The following CSMD1 variants were observed in gnomAD, a reference collection of about 807,000 sequenced individuals.
CSMD1 encodes the protein CUB and Sushi multiple domains 1.
In CSMD1, 213 loss-of-function variants were observed where a neutral mutation model predicts 417.5. The observed-to-expected ratio is 0.51, with a 90% CI of 0.46 to 0.57. The LOEUF (loss-of-function observed/expected upper bound fraction) is 0.57. Among genes scored for constraint, CSMD1 ranks in the 20% least tolerant of loss-of-function variants. The pLI is 0.00. For synonymous variants in CSMD1, 2,862 were observed against 1,736.8 expected (o/e 1.65, Z -16.11); for missense variants, 6,923 against 4,529.7 (o/e 1.53, Z -15.17).
chr8:3,731,801 A>G (rs1447335086), intron 6 of CSMD1, among the ~76,000 whole-genome samples: 3 of 152,146 alleles, frequency 2.0e-5, no homozygotes, highest in Admixed American at 1.3e-4. Context: ...TGTTTTGGAC[A>G]TGTGATGTTT....
intron 2 of CSMD1, among the ~76,000 whole-genome samples, chr8:4,486,386 A>G (rs1049504001): frequency 6.7e-6 from 1 of 150,244 alleles, no homozygotes; most frequent in African/African-American, 2.4e-5. Flanking sequence ...TCTCCTTCTC[A>G]TTTTTACTTC....
intron 25 of CSMD1, among the ~76,000 whole-genome samples, chr8:3,296,360 G>A (rs1201053553): frequency 6.6e-6 from 1 of 152,014 alleles, no homozygotes; most frequent in African/African-American, 2.4e-5. Context: ...AACAGAGGAA[G>A]GGGGACTGGG....
chr8:4,583,794 T>C (rs970184307), intron 2 of CSMD1, among the ~76,000 whole-genome samples: 5 of 152,104 alleles, frequency 3.3e-5, no homozygotes, highest in Non-Finnish European at 7.4e-5. Flanking sequence ...GATAAGAGAA[T>C]AAAAGCAGGC....
intron 48 of CSMD1, 125 bp from the exon 49 acceptor site, chr8:3,087,410 T>C: frequency 3.1e-6 from 3 of 974,152 alleles, no homozygotes; most frequent in South Asian, 1.6e-5. Context: ...TGAGCACCAG[T>C]ATGTAAGTTT....
In CSMD1 at chr8:4,135,397, G is replaced by T. The variant is rs1263754322; in HGVS notation, c.416-103298C>A. On this transcript the variant is annotated intron_variant, in intron 3 of 69. Transcript: ENST00000635120. ...AAGTGGGAAAGAGGGGGAAGGAAGGGGAAAGAGGGAAAGAGGGGGAAGGAA... is the reference window on the plus strand; with the variant it reads ...AAGTGGGAAAGAGGGGGAAGGAAGGTGAAAGAGGGAAAGAGGGGGAAGGAA... Among the ~76,000 whole-genome samples the T allele has an allele frequency of 5.0e-5, 6 of 120,780 alleles. No individual in the cohort carries two copies. In the East Asian group the frequency reaches 1.6e-3, roughly 32 times the overall value. The allele number at this position is 120,780 out of a possible 152,430, so 79.2% of individuals were successfully genotyped here.
At chr8:3,196,060 A>G (rs1796686385) in intron 33 of CSMD1, among the ~76,000 whole-genome samples, 1 of 152,154 alleles carries the variant, frequency 6.6e-6, no homozygotes, top group Non-Finnish European at 1.5e-5. Flanking sequence ...CTTCCTGACA[A>G]AAAGACGCCG....
At chr8:4,959,016 AACTGAGATT>A (rs1809303091) in intron 1 of CSMD1, among the ~76,000 whole-genome samples, 1 of 152,206 alleles carries the variant, frequency 6.6e-6, no homozygotes, top group Non-Finnish European at 1.5e-5. Context: ...TGTATGCTTT[AACTGAGATT>A]ATCAAGCCAT....
intron 10 of CSMD1, among the ~76,000 whole-genome samples, chr8:3,571,059 C>G (rs962665891): frequency 1.3e-5 from 2 of 152,122 alleles, no homozygotes; most frequent in African/African-American, 4.8e-5. Flanking sequence ...TATTCCACTC[C>G]AGGGCAAAAC....
chr8:4,363,718 G>T (rs1801908792), intron 3 of CSMD1, among the ~76,000 whole-genome samples: 1 of 152,154 alleles, frequency 6.6e-6, no homozygotes, highest in African/African-American at 2.4e-5. Flanking sequence ...GTGACTTCTA[G>T]TTCCACCCAT....
intron 3 of CSMD1, among the ~76,000 whole-genome samples, chr8:4,129,595 AT>A (rs1302096503): frequency 6.6e-6 from 1 of 152,022 alleles, no homozygotes; most frequent in East Asian, 1.9e-4. Flanking sequence ...TATTATTATT[AT>A]TATTACTGAC....
At chr8:3,564,149 G>A (rs545408342) in intron 10 of CSMD1, among the ~76,000 whole-genome samples, 3 of 152,110 alleles carry the variant, frequency 2.0e-5, no homozygotes, top group Non-Finnish European at 4.4e-5. Context: ...GTGTTTGGAA[G>A]ATTGAAATTA....
chr8:4,457,388 A>T (rs1014618954), intron 2 of CSMD1, among the ~76,000 whole-genome samples: 1 of 152,084 alleles, frequency 6.6e-6, no homozygotes, highest in African/African-American at 2.4e-5. Flanking sequence ...CGAGGTCTGG[A>T]ACAGGAAGGG....
At chr8:3,097,913 G>T (rs560953663) in intron 46 of CSMD1, among the ~76,000 whole-genome samples, 1 of 152,316 alleles carries the variant, frequency 6.6e-6, no homozygotes, top group East Asian at 1.9e-4. Flanking sequence ...TGAATTAATT[G>T]TAAATGTATC....
At chr8:4,008,078 T>G (rs981384598) in intron 4 of CSMD1, among the ~76,000 whole-genome samples, 7 of 152,318 alleles carry the variant, frequency 4.6e-5, no homozygotes, top group Middle Eastern at 3.4e-3. Context: ...CCAGGAGGTT[T>G]TTTCTTTGTT....
chr8:4,565,689 T>G (rs1270119359), intron 2 of CSMD1, among the ~76,000 whole-genome samples: 1 of 149,492 alleles, frequency 6.7e-6, no homozygotes, highest in Non-Finnish European at 1.5e-5. Flanking sequence ...GAGCTGGGAT[T>G]GTGCCATTGC....
Position 4,219,359 on chromosome 8 carries a change from C to T in CSMD1, c.416-187260G>A, listed in dbSNP as rs7840683. ...TAACTTGAGCTGGAATTGGGCACAT[C>T]CCCCTGGCACAGAGTAAGTGCTCAA... On this transcript the variant is annotated intron_variant, in intron 3 of 69. Transcript: ENST00000635120. Among the ~76,000 whole-genome samples, 1,286 of 152,254 alleles carry T rather than the reference C, an allele frequency of 8.4e-3. 23 individuals carry two copies. The highest frequency in any genetic ancestry group is 0.03 in the African/African-American group (1,234 of 41,538).
intron 1 of CSMD1, among the ~76,000 whole-genome samples, chr8:4,892,189 CT>C (rs1322047544): frequency 6.6e-6 from 1 of 152,062 alleles, no homozygotes; most frequent in East Asian, 1.9e-4. Flanking sequence ...ATTGAAACAA[CT>C]TTTCAAGATT....
chr8:3,493,503 A>G (rs907751862), intron 11 of CSMD1, 120 bp downstream of exon 11: 1 of 704,494 alleles, frequency 1.4e-6, no homozygotes, highest in Non-Finnish European at 2.4e-6. Flanking sequence ...TACATTAGCC[A>G]TAGATGGCAC....
chr8:4,191,744 C>CAAAA (rs3065543), intron 3 of CSMD1, among the ~76,000 whole-genome samples: 3 of 135,740 alleles, frequency 2.2e-5, no homozygotes, highest in Admixed American at 7.5e-5. Context: ...AAGGTCATTC[C>CAAAA]AAAAAAAAAA....
Sources: gnomAD v4.1 joint callset for allele counts (sites outside exome capture counted in the v4.1 genomes callset) on GRCh38, gnomAD v4.1.1 for gene constraint, MANE v1.5 for transcripts, NCBI Gene and HGNC (gene_info 2026-07-23, HGNC 2026-07-21) for gene names.